TVP23C: variants seen among roughly 807,000 people sequenced by gnomAD.
TVP23C encodes the protein Golgi apparatus membrane protein TVP23 homolog C.
Under a neutral mutation model 28.7 loss-of-function variants are expected in TVP23C, and 19 were observed. The ratio of observed to expected loss-of-function variants is 0.66; its 90% CI spans 0.46 to 0.97. TVP23C has a LOEUF of 0.97. Ranked by LOEUF, TVP23C falls within the 50% of genes least tolerant of loss-of-function variation. The pLI is 0.00. For missense variants in TVP23C, 186 were observed against 241.3 expected, an observed-to-expected ratio of 0.77 and a Z score of 1.52; for synonymous variants, 68 against 81.7, an observed-to-expected ratio of 0.83 and a Z score of 0.90.
At chr17:15,552,191 T>C (rs1270397675) in intron 3 of TVP23C, among the ~76,000 whole-genome samples, 1 of 152,196 alleles carries the variant, frequency 6.6e-6, no homozygotes, top group African/African-American at 2.4e-5. Context: ...AAAAGAAACG[T>C]GTATCAAAAC....
At chr17:15,544,011 C>G (rs187808306) in intron 5 of TVP23C, among the ~76,000 whole-genome samples, 1 of 152,070 alleles carries the variant, frequency 6.6e-6, no homozygotes. Flanking sequence ...CAGAAAGGCA[C>G]AGACTCCAGA....
At chr17:15,560,030 G>C (rs1984308073) in intron 1 of TVP23C, among the ~76,000 whole-genome samples, 1 of 149,546 alleles carries the variant, frequency 6.7e-6, no homozygotes, top group East Asian at 1.9e-4. Context: ...CTACTCATAA[G>C]TAAGATGAAA....
At chr17:15,507,644 C>T (rs1261578642) in intron 5 of TVP23C, among the ~76,000 whole-genome samples, 1 of 152,176 alleles carries the variant, frequency 6.6e-6, no homozygotes, top group Non-Finnish European at 1.5e-5. Flanking sequence ...CGAGACCATC[C>T]TGGCTAACAC....
chr17:15,520,068 C>T (rs959577874), intron 5 of TVP23C, among the ~76,000 whole-genome samples: 3 of 151,012 alleles, frequency 2.0e-5, no homozygotes, highest in African/African-American at 4.9e-5. Flanking sequence ...ACCCAGCATG[C>T]TTGCTCAGTG....
chr17:15,508,872 A>C (rs1981884005), intron 5 of TVP23C, among the ~76,000 whole-genome samples: 1 of 152,182 alleles, frequency 6.6e-6, no homozygotes, highest in Non-Finnish European at 1.5e-5. Context: ...CAGTGTCTAG[A>C]CAGCACCCTG....
intron 5 of TVP23C, among the ~76,000 whole-genome samples, chr17:15,523,673 G>A (rs1299767276): frequency 6.6e-6 from 1 of 150,846 alleles, no homozygotes; most frequent in African/African-American, 2.4e-5. Flanking sequence ...GAGTGCAGTG[G>A]TGCAATCTCG....
intron 5 of TVP23C, among the ~76,000 whole-genome samples, chr17:15,545,376 T>C (rs1983597382): frequency 6.6e-6 from 1 of 152,194 alleles, no homozygotes; most frequent in South Asian, 2.1e-4. Context: ...TCATTCCAAC[T>C]ACTGTCTGAC....
intron 5 of TVP23C, among the ~76,000 whole-genome samples, chr17:15,516,903 G>A (rs752233396): frequency 1.3e-5 from 2 of 152,164 alleles, no homozygotes; most frequent in Non-Finnish European, 2.9e-5. Context: ...CCCTACTTCA[G>A]CAGGGCATCC....
intron 1 of TVP23C, chr17:15,562,695 T>A (rs1047061135): frequency 1.3e-5 from 2 of 152,256 alleles, no homozygotes; most frequent in African/African-American, 4.8e-5. Flanking sequence ...TGCAATTATC[T>A]GAAAATATCT....
rs71367512 is a variant in TVP23C, at chr17:15,554,020, T to C, written c.96-191A>G. 6.9e-3 allele frequency among the ~76,000 whole-genome samples: 1,055 copies of C among 152,326 alleles called. 5 individuals carry two copies. Among genetic ancestry groups the C allele is most frequent in the Non-Finnish European group, 0.011 (740 of 68,032 alleles). ...AGCCCCACTATTTGACTAGGCCCTA[T>C]AGTGACAGAAAATACACTATGCACA... is the stretch of plus-strand genomic sequence containing the variant. On this transcript the variant is annotated intron_variant, in intron 2 of 5. Transcript: ENST00000518321.
intron 5 of TVP23C, among the ~76,000 whole-genome samples, chr17:15,524,875 C>T (rs1982655805): frequency 1.3e-5 from 2 of 152,234 alleles, no homozygotes; most frequent in African/African-American, 4.8e-5. Flanking sequence ...TAAGAACAGA[C>T]ACAGTGCATG....
At position 15,539,767 on chromosome 17, in the gene TVP23C, T is replaced by C. The variant is rs1983327767; in HGVS notation, c.*645A>G. 3.0e-6 allele frequency: 3 copies of C among 985,164 alleles called. No homozygotes were observed. The highest frequency in any genetic ancestry group is 2.4e-6 in the Non-Finnish European group (2 of 829,816). 61.0% of individuals were successfully genotyped at this position (985,164 alleles called of 1,614,324 possible). Reference sequence around the variant, plus strand: ...AAACATCTGAGTACAAATGTTATGGTCTTCTTGTGATTCAACTGTTCTCCC... The same window carrying C: ...AAACATCTGAGTACAAATGTTATGGCCTTCTTGTGATTCAACTGTTCTCCC... On this transcript the variant is annotated 3_prime_UTR_variant, in exon 6 of 6. Coordinates refer to ENST00000518321, the MANE Select transcript of TVP23C (RefSeq NM_001135036.2).
At position 15,545,866 on chromosome 17, in the gene TVP23C, A is replaced by G. The variant is rs542548730; in HGVS notation, c.381T>C (p.Phe127=). The change falls in exon 5 of 6, where the codon TTT becomes TTC. Residue 127 remains phenylalanine (F), a synonymous_variant. Transcript: ENST00000518321. ...KTVSEAESRI[F]WLGLIACSVL... ...CTGAACAGGCAATAAGTCCCAACCA[A>G]AAGATTCTTGATTCAGCCTCTGACA... The G allele has an allele frequency of 2.7e-5, 44 of 1,614,148 alleles. 1 individual carries two copies. The South Asian group carries it at 4.6e-4, about 17-fold the overall frequency.
chr17:15,502,768 C>T, exon 6 of TVP23C: 1 of 1,425,434 alleles, frequency 7.0e-7, no homozygotes, highest in East Asian at 2.5e-5. Context: ...CTCTCCTTCT[C>T]CGTCACTCTC....
intron 1 of TVP23C, among the ~76,000 whole-genome samples, chr17:15,560,463 G>C (rs1984329623): frequency 6.7e-6 from 1 of 149,762 alleles, no homozygotes; most frequent in Admixed American, 6.7e-5. Flanking sequence ...GAATACAAGA[G>C]AGACTGGAAG....
chr17:15,518,340 T>C (rs1400856945), intron 5 of TVP23C, among the ~76,000 whole-genome samples: 1 of 152,190 alleles, frequency 6.6e-6, no homozygotes, highest in African/African-American at 2.4e-5. Context: ...TGCTACGTAC[T>C]GTATCAACGG....
rs764063931 is a variant in TVP23C, at chr17:15,525,460, C to T, written c.462+20325G>A. Among the ~76,000 whole-genome samples the T allele has an allele frequency of 8.5e-5, 13 of 152,222 alleles. 1 individual carries two copies. The highest frequency in any genetic ancestry group is 1.9e-4 in the Non-Finnish European group (13 of 68,038). On this transcript the variant is annotated intron_variant, in intron 5 of 5. Coordinates refer to the TVP23C transcript ENST00000225576. ...TTAACACTGAGTAAAACAGATTGCTCTTTTACTGTGTGGGAATGTCTCAGC... is the reference window on the plus strand; with the variant it reads ...TTAACACTGAGTAAAACAGATTGCTTTTTTACTGTGTGGGAATGTCTCAGC...
rs2654285 is a variant in TVP23C, at chr17:15,541,297, T to G, written c.463-736A>C. Among the ~76,000 whole-genome samples, 3 of 152,380 alleles carry G rather than the reference T, an allele frequency of 2.0e-5. No homozygotes were observed. The South Asian group carries it at 6.2e-4, about 32-fold the overall frequency. On this transcript the variant is annotated intron_variant, in intron 5 of 5. Coordinates refer to ENST00000518321, the MANE Select transcript of TVP23C (RefSeq NM_001135036.2). ...CCCAAGGTTAAAGACTCTAATACAG[T>G]GATCAGCAAAGTTCTCCTGTAAAGG...
intron 5 of TVP23C, among the ~76,000 whole-genome samples, chr17:15,541,962 A>C (rs1276496147): frequency 1.3e-5 from 2 of 152,152 alleles, no homozygotes; most frequent in Non-Finnish European, 2.9e-5. Flanking sequence ...TGTAAGTTAA[A>C]CTTCTGGTTT....
Sources: allele counts gnomAD v4.1 joint callset (sites outside exome capture counted in the v4.1 genomes callset), GRCh38; gene constraint gnomAD v4.1.1; transcripts MANE v1.5; gene names NCBI Gene and HGNC (gene_info 2026-07-23, HGNC 2026-07-21).